The following CDKN2B variants were observed in gnomAD, a reference collection of about 807,000 sequenced individuals.
CDKN2B encodes cyclin dependent kinase inhibitor 2B.
In CDKN2B, 8 loss-of-function variants were observed where a neutral mutation model predicts 7.7. The ratio of observed to expected loss-of-function variants is 1.04; its 90% confidence interval spans 0.61 to 1.87. The LOEUF (loss-of-function observed/expected upper bound fraction) is 1.87. CDKN2B is among the 40% of genes most tolerant of loss of function. The pLI is 0.00. For missense variants in CDKN2B, 244 were observed against 213.1 expected, an observed-to-expected ratio of 1.15 and a Z score of -0.90; for synonymous variants, 93 against 95.8, an observed-to-expected ratio of 0.97 and a Z score of 0.17.
intron 1 of CDKN2B, 113 bp downstream of exon 1, chr9:22,008,685 C>T (rs1337977360): frequency 6.2e-7 from 1 of 1,609,866 alleles, no homozygotes; most frequent in Non-Finnish European, 8.5e-7. Context: ...CTCCGGCCAA[C>T]GGAGACTCCT....
rs1263623241 is a variant in CDKN2B, at chr9:22,008,859, T to G, written c.95A>C (p.Gln32Pro). 2 of 1,611,530 alleles carry G rather than the reference T, an allele frequency of 1.2e-6. No individual in the cohort carries two copies. The highest frequency in any genetic ancestry group is 1.7e-6 in the Non-Finnish European group (2 of 1,179,318). Residue 32 changes from glutamine (Q) to proline (P), a missense_variant, in exon 1 of 2, where the codon CAG becomes CCG. Transcript: ENST00000276925. ...AARGLVEKVRQLLEAGADPNG... is the reference protein window; with the variant it reads ...AARGLVEKVRPLLEAGADPNG... ...GGGATCCGCGCCGGCTTCCAGGAGC[T>G]GTCGCACCTTCTCCACTAGTCCCCG...
At position 22,009,005 on chromosome 9, in the gene CDKN2B, A is replaced by T. The variant is rs993646279; in HGVS notation, c.-52T>A. On this transcript the variant is annotated 5_prime_UTR_variant, in exon 1 of 2. Coordinates refer to ENST00000276925, the MANE Select transcript of CDKN2B (RefSeq NM_004936.4). ...CCGGATAATCCACCGTTGGCCGTAAACTTAACGACACTCTTCCCTTCTTTC... is the reference window on the plus strand; with the variant it reads ...CCGGATAATCCACCGTTGGCCGTAATCTTAACGACACTCTTCCCTTCTTTC... 2 of 1,611,188 alleles carry T rather than the reference A, an allele frequency of 1.2e-6. No homozygotes were observed. Among genetic ancestry groups the T allele is most frequent in the Non-Finnish European group, 1.7e-6 (2 of 1,177,940 alleles).
chr9:22,004,194 C>T lies in CDKN2B; in HGVS notation c.*1793G>A, dbSNP rs1821056743. On this transcript the variant is annotated 3_prime_UTR_variant, in exon 2 of 2. Coordinates refer to ENST00000276925, the MANE Select transcript of CDKN2B (RefSeq NM_004936.4). ...CCCCAATAACATATGCTCTGATTCT[C>T]AACTAACTTTCCCCAGTAATATGTT... 4.3e-6 allele frequency: 1 copy of T among 232,316 alleles called. No homozygotes were observed. Among genetic ancestry groups the T allele is most frequent in the Admixed American group, 5.6e-5 (1 of 17,764 alleles). The allele number at this position is 232,316 out of a possible 1,614,324, so 14.4% of individuals were successfully genotyped here. A position where few individuals can be genotyped will look rare whatever the true frequency, so the allele number is the denominator to read the frequency against.
At position 22,007,093 on chromosome 9, in the gene CDKN2B, C is replaced by T. The variant is rs576187990; in HGVS notation, c.157-846G>A. 9.2e-5 allele frequency among the ~76,000 whole-genome samples: 14 copies of T among 152,286 alleles called. 1 individual carries two copies. Among genetic ancestry groups the T allele is most frequent in the African/African-American group, 3.1e-4 (13 of 41,562 alleles). ...AAAGAGCTTGGGCCAGGCCCAGTGG[C>T]TTATGCCTGTAATCCCAGCACTTTG... On this transcript the variant is annotated intron_variant, in intron 1 of 1. Transcript: ENST00000276925.
rs752926081 is a variant in CDKN2B, at chr9:22,006,176, G to C, written c.228C>G (p.Asp76Glu). 1.1e-5 allele frequency: 18 copies of C among 1,610,480 alleles called. No individual in the cohort carries two copies. The South Asian group carries it at 1.8e-4, about 16-fold the overall frequency. Residue 76 changes from aspartate to glutamate, a missense_variant, in exon 2 of 2, where the codon GAC (aspartate) becomes GAG (glutamate). Physicochemically the swap from Asp to Glu is conservative, Grantham distance 45. Transcript: ENST00000276925. The surrounding 1 kb of genome is among the most constrained non-coding windows in gnomAD (Gnocchi z 6.4). Reference sequence around the variant, plus strand: ...GCACCGGTCGGGTGAGAGTGGCAGGGTCTGCGCAGTTGGGCTCCGCGCCGT... The same window carrying C: ...GCACCGGTCGGGTGAGAGTGGCAGGCTCTGCGCAGTTGGGCTCCGCGCCGT... The part of the protein sequence containing the change: ...LLHGAEPNCA[D>E]PATLTRPVHD...
chr9:22,005,612 A>G lies in CDKN2B; in HGVS notation c.*375T>C. On this transcript the variant is annotated 3_prime_UTR_variant, in exon 2 of 2. Coordinates refer to ENST00000276925, the MANE Select transcript of CDKN2B (RefSeq NM_004936.4). The surrounding 1 kb of genome is among the most constrained non-coding windows in gnomAD (Gnocchi z 4.9). ...TGCTAATCACTGCCTTCTCCCACTC[A>G]GCGCTGGAGTGGGAGATTCATCCAT... The G allele has an allele frequency of 6.8e-6, 3 of 438,822 alleles. No homozygotes were observed. The highest frequency in any genetic ancestry group is 4.6e-5 in the South Asian group (2 of 43,358). 27.2% of individuals were successfully genotyped at this position (438,822 alleles called of 1,614,324 possible).
chr9:22,006,035 C>T lies in CDKN2B; in HGVS notation c.369G>A (p.Arg123=). ...GGTACCCTGCAACGTCGCGGTGGCC[C>T]CGCTCCTCGGCCAAGTCCACGGGCA... ...GRLPVDLAEE[R]GHRDVAGYLR... is the part of the protein sequence containing the mutation. The change falls in exon 2 of 2, where the codon CGG becomes CGA. Residue 123 remains arginine, a synonymous_variant. Coordinates refer to ENST00000276925, the MANE Select transcript of CDKN2B (RefSeq NM_004936.4). This position sits in a 1 kb window ranked among gnomAD's most constrained non-coding sequence, Gnocchi z 6.4. 1.2e-6 allele frequency: 2 copies of T among 1,604,258 alleles called. No individual in the cohort carries two copies. The highest frequency in any genetic ancestry group is 1.7e-6 in the Non-Finnish European group (2 of 1,179,484).
Position 22,005,881 on chromosome 9 carries a change from A to C in CDKN2B, c.*106T>G. 2.1e-6 allele frequency: 3 copies of C among 1,452,020 alleles called. No homozygotes were observed. Among genetic ancestry groups the C allele is most frequent in the East Asian group, 2.4e-5 (1 of 41,170 alleles). The allele number at this position is 1,452,020 out of a possible 1,614,324, so 89.9% of individuals were successfully genotyped here. On this transcript the variant is annotated 3_prime_UTR_variant, in exon 2 of 2. Coordinates refer to ENST00000276925, the MANE Select transcript of CDKN2B (RefSeq NM_004936.4). The surrounding 1 kb of genome is among the most constrained non-coding windows in gnomAD (Gnocchi z 4.9). ...GTCTCAGACAGGCTTGCAGGCTTAC[A>C]GGCTTTCCGCCGCTCCCCGTTGGCA...
chr9:22,009,028 T>G lies in CDKN2B; in HGVS notation c.-75A>C, dbSNP rs1563917107. ...AAACTTAACGACACTCTTCCCTTCT[T>G]TCCCACGCTGCTCCGGCGCACTCTC... On this transcript the variant is annotated 5_prime_UTR_variant, in exon 1 of 2. Coordinates refer to ENST00000276925, the MANE Select transcript of CDKN2B (RefSeq NM_004936.4). The G allele has an allele frequency of 7.5e-6, 12 of 1,597,530 alleles. No homozygotes were observed. Among genetic ancestry groups the G allele is most frequent in the Non-Finnish European group, 1.0e-5 (12 of 1,165,894 alleles).
At position 22,005,635 on chromosome 9, in the gene CDKN2B, C is replaced by T; in HGVS notation, c.*352G>A. ...TCAGCGCTGGAGTGGGAGATTCATC[C>T]ATCGGAAGATTCGTAGCCACCAGGT... On this transcript the variant is annotated 3_prime_UTR_variant, in exon 2 of 2. Coordinates refer to ENST00000276925, the MANE Select transcript of CDKN2B (RefSeq NM_004936.4). The surrounding 1 kb of genome is among the most constrained non-coding windows in gnomAD (Gnocchi z 4.9). 1 of 458,952 alleles carries T rather than the reference C, an allele frequency of 2.2e-6. No individual in the cohort carries two copies. The highest frequency in any genetic ancestry group is 2.2e-5 in the South Asian group (1 of 45,508). The allele number at this position is 458,952 out of a possible 1,614,324, so 28.4% of individuals were successfully genotyped here.
rs1821166025 is a variant in CDKN2B, at chr9:22,006,073, C to A, written c.331G>T (p.Ala111Ser). ...RAGARLDVRDAWGRLPVDLAE... is the reference protein window; with the variant it reads ...RAGARLDVRDSWGRLPVDLAE... Reference sequence around the variant, plus strand: ...AAGTCCACGGGCAGACGACCCCAGGCATCGCGCACGTCCAGCCGCGCCCCG... The same window carrying A: ...AAGTCCACGGGCAGACGACCCCAGGAATCGCGCACGTCCAGCCGCGCCCCG... Residue 111 changes from alanine (A) to serine (S), a missense_variant, in exon 2 of 2, where the codon GCC (alanine) becomes TCC (serine). Coordinates refer to ENST00000276925, the MANE Select transcript of CDKN2B (RefSeq NM_004936.4). The surrounding 1 kb of genome is among the most constrained non-coding windows in gnomAD (Gnocchi z 6.4). The A allele has an allele frequency of 6.2e-7, 1 of 1,606,730 alleles. No homozygotes were observed. The highest frequency in any genetic ancestry group is 1.7e-5 in the Admixed American group (1 of 59,958).
chr9:22,006,079 G>T lies in CDKN2B; in HGVS notation c.325C>A (p.Arg109Ser). Residue 109 changes from arginine to serine, a missense_variant, in exon 2 of 2, where the codon CGC becomes AGC. Arg to Ser is a moderately radical substitution (Grantham distance 110, BLOSUM62 -1). Coordinates refer to ENST00000276925, the MANE Select transcript of CDKN2B (RefSeq NM_004936.4). This position sits in a 1 kb window ranked among gnomAD's most constrained non-coding sequence, Gnocchi z 6.4. ...LHRAGARLDV[R>S]DAWGRLPVDL... ...ACGGGCAGACGACCCCAGGCATCGCGCACGTCCAGCCGCGCCCCGGCCCGG... is the reference window on the plus strand; with the variant it reads ...ACGGGCAGACGACCCCAGGCATCGCTCACGTCCAGCCGCGCCCCGGCCCGG... The T allele has an allele frequency of 1.2e-6, 2 of 1,607,100 alleles. No individual in the cohort carries two copies. The highest frequency in any genetic ancestry group is 1.7e-6 in the Non-Finnish European group (2 of 1,179,668).
chr9:22,005,034 G>A lies in CDKN2B; in HGVS notation c.*953C>T, dbSNP rs1285890539. ...TAAAATCTCCCCATTAAATAAGACA[G>A]TTGCTGAACAACTAAAAAGTACAAA... On this transcript the variant is annotated 3_prime_UTR_variant, in exon 2 of 2. Transcript: ENST00000276925. This position sits in a 1 kb window ranked among gnomAD's most constrained non-coding sequence, Gnocchi z 4.9. The A allele has an allele frequency of 4.3e-6, 1 of 233,066 alleles. No individual in the cohort carries two copies. Among genetic ancestry groups the A allele is most frequent in the East Asian group, 6.0e-5 (1 of 16,592 alleles). The allele number at this position is 233,066 out of a possible 1,614,324, so 14.4% of individuals were successfully genotyped here. A position where few individuals can be genotyped will look rare whatever the true frequency, so the allele number is the denominator to read the frequency against.
Position 22,008,876 on chromosome 9 carries a change from T to C in CDKN2B, c.78A>G (p.Leu26=). Residue 26 remains leucine, a synonymous_variant, in exon 1 of 2, where the codon CTA becomes CTG. Coordinates refer to ENST00000276925, the MANE Select transcript of CDKN2B (RefSeq NM_004936.4). ...EGLASAAARG[L]VEKVRQLLEA... is the part of the protein sequence containing the mutation. ...CCAGGAGCTGTCGCACCTTCTCCAC[T>C]AGTCCCCGCGCCGCGGCGCTGGCCA... 1.2e-6 allele frequency: 2 copies of C among 1,612,320 alleles called. No homozygotes were observed. Among genetic ancestry groups the C allele is most frequent in the East Asian group, 2.2e-5 (1 of 44,860 alleles).
intron 1 of CDKN2B, among the ~76,000 whole-genome samples, chr9:22,008,049 AT>A (rs1197702567): frequency 1.3e-5 from 2 of 152,230 alleles, no homozygotes; most frequent in Non-Finnish European, 1.5e-5. Flanking sequence ...GAAATAAAAA[AT>A]ATCAGTACTA....
At chr9:22,008,649 G>C in intron 1 of CDKN2B, 149 bp downstream of exon 1, 1 of 1,600,544 alleles carries the variant, frequency 6.2e-7, no homozygotes, top group Non-Finnish European at 8.5e-7. Flanking sequence ...CTGGGTAAAA[G>C]CCTGTTTTAC....
Position 22,006,063 on chromosome 9 carries a change from C to A in CDKN2B, c.341G>T (p.Arg114Leu). The part of the protein sequence containing the change: ...ARLDVRDAWG[R>L]LPVDLAEERG... Reference sequence around the variant, plus strand: ...CTCCTCGGCCAAGTCCACGGGCAGACGACCCCAGGCATCGCGCACGTCCAG... The same window carrying A: ...CTCCTCGGCCAAGTCCACGGGCAGAAGACCCCAGGCATCGCGCACGTCCAG... The change falls in exon 2 of 2, where the codon CGT (arginine) becomes CTT (leucine). Residue 114 changes from arginine (R) to leucine (L), a missense_variant. Physicochemically the swap from Arg to Leu is moderately radical, Grantham distance 102. Transcript: ENST00000276925. The surrounding 1 kb of genome is among the most constrained non-coding windows in gnomAD (Gnocchi z 6.4). 6.2e-7 allele frequency: 1 copy of A among 1,605,966 alleles called. No homozygotes were observed. Among genetic ancestry groups the A allele is most frequent in the Non-Finnish European group, 8.5e-7 (1 of 1,179,618 alleles).
chr9:22,004,231 T>A lies in CDKN2B; in HGVS notation c.*1756A>T, dbSNP rs944719153. On this transcript the variant is annotated 3_prime_UTR_variant, in exon 2 of 2. Transcript: ENST00000276925. ...CCCAGTAATATGTTCATTTTGGGAATAGGAATTGGTAGAGAAGTAAAGATT... is the reference window on the plus strand; with the variant it reads ...CCCAGTAATATGTTCATTTTGGGAAAAGGAATTGGTAGAGAAGTAAAGATT... 2 of 232,440 alleles carry A rather than the reference T, an allele frequency of 8.6e-6. No homozygotes were observed. Among genetic ancestry groups the A allele is most frequent in the African/African-American group, 2.2e-5 (1 of 45,336 alleles). 14.4% of individuals were successfully genotyped at this position (232,440 alleles called of 1,614,324 possible). A position where few individuals can be genotyped will look rare whatever the true frequency, so the allele number is the denominator to read the frequency against.
rs1235442967 is a variant in CDKN2B, at chr9:22,003,788, T to C, written c.*2199A>G. On this transcript the variant is annotated 3_prime_UTR_variant, in exon 2 of 2. Coordinates refer to ENST00000276925, the MANE Select transcript of CDKN2B (RefSeq NM_004936.4). ...TCTCCATATTGTTGACATTTTAAAA[T>C]AGTTTTCAAACAAACCGTTTATATT... 4.3e-6 allele frequency: 1 copy of C among 232,336 alleles called. No individual in the cohort carries two copies. The highest frequency in any genetic ancestry group is 8.5e-6 in the Non-Finnish European group (1 of 117,482). The allele number at this position is 232,336 out of a possible 1,614,324, so 14.4% of individuals were successfully genotyped here.
Sources: gnomAD v4.1 joint callset for allele counts (sites outside exome capture counted in the v4.1 genomes callset) on GRCh38, gnomAD v4.1.1 for gene constraint, Gnocchi (gnomAD v3.1) non-coding constraint, MANE v1.5 for transcripts, NCBI Gene and HGNC (gene_info 2026-07-23, HGNC 2026-07-21) for gene names.